PANK1: variants seen among roughly 807,000 people sequenced by gnomAD.
The protein encoded by PANK1 is pantothenic acid kinase 1.
Under a neutral mutation model 40.1 loss-of-function variants are expected in PANK1, and 18 were observed. The observed-to-expected ratio is 0.45, with a 90% CI of 0.31 to 0.67. The LOEUF (loss-of-function observed/expected upper bound fraction) is 0.67, where lower values mean the gene tolerates loss of function less well. Among genes scored for constraint, PANK1 ranks in the 30% least tolerant of loss-of-function variants. The pLI, the probability that PANK1 is intolerant of heterozygous loss-of-function variation, is 0.06. For synonymous variants in PANK1, 242 were observed against 237.7 expected (o/e 1.02, Z -0.17); for missense variants, 457 against 599.6 (o/e 0.76, Z 2.48).
At position 89,594,836 on chromosome 10, in the gene PANK1, G is replaced by A. The variant is rs138059304; in HGVS notation, c.900-847C>T. Among the ~76,000 whole-genome samples, 14 of 152,252 alleles carry A rather than the reference G, an allele frequency of 9.2e-5. No homozygotes were observed. The East Asian group carries it at 2.5e-3, about 27-fold the overall frequency. Reference sequence around the variant, plus strand: ...TGTATTAATATCAAAGTTACCTAATGGAAAGAAAAGCAGATTCAGAGTAAA... The same window carrying A: ...TGTATTAATATCAAAGTTACCTAATAGAAAGAAAAGCAGATTCAGAGTAAA... On this transcript the variant is annotated intron_variant, in intron 3 of 6. Coordinates refer to ENST00000307534, the MANE Select transcript of PANK1 (RefSeq NM_148977.3).
At chr10:89,622,198 T>C (rs1183279328) in intron 1 of PANK1, among the ~76,000 whole-genome samples, 1 of 152,216 alleles carries the variant, frequency 6.6e-6, no homozygotes, top group Non-Finnish European at 1.5e-5. Context: ...ATATAAAATT[T>C]AATAAAAGTG....
At chr10:89,597,675 C>G (rs946721828) in intron 3 of PANK1, among the ~76,000 whole-genome samples, 14 of 152,322 alleles carry the variant, frequency 9.2e-5, no homozygotes, top group African/African-American at 3.1e-4. Context: ...GTTAATAAAA[C>G]TAGATATCTC....
chr10:89,622,833 T>C (rs1199361768), intron 1 of PANK1, among the ~76,000 whole-genome samples: 5 of 150,540 alleles, frequency 3.3e-5, no homozygotes, highest in Non-Finnish European at 5.9e-5. Flanking sequence ...CGAGACTCCA[T>C]TCCAAAAAAA....
rs1209188436 is a variant in PANK1, at chr10:89,583,316, GT to G, written c.*1089del. Reference sequence around the variant, plus strand: ...TTTTAGAAACTGAGATTGAAGTACAGTTTTTAGTTTAAAATATTAAAAATGA... The same window carrying G: ...TTTTAGAAACTGAGATTGAAGTACAGTTTTAGTTTAAAATATTAAAAATGA... On this transcript the variant is annotated 3_prime_UTR_variant, in exon 7 of 7. Transcript: ENST00000307534. The G allele has an allele frequency of 1.3e-5, 2 of 152,102 alleles. No homozygotes were observed. Among genetic ancestry groups the G allele is most frequent in the East Asian group, 1.9e-4 (1 of 5,208 alleles). 9.4% of individuals were successfully genotyped at this position (152,102 alleles called of 1,614,324 possible). A position where few individuals can be genotyped will look rare whatever the true frequency, so the allele number is the denominator to read the frequency against.
chr10:89,593,739 A>C (rs1367527099), intron 4 of PANK1, 74 bp downstream of exon 4: 1 of 1,146,540 alleles, frequency 8.7e-7, no homozygotes, highest in Non-Finnish European at 1.3e-6. Flanking sequence ...ATTTTAAAAC[A>C]ACTTAGTGAA....
intron 1 of PANK1, among the ~76,000 whole-genome samples, chr10:89,635,291 G>A (rs750184680): frequency 8.5e-5 from 13 of 152,134 alleles, no homozygotes; most frequent in Non-Finnish European, 1.5e-4. Context: ...CAATTCTAGA[G>A]GCTAGTAAGG....
At chr10:89,642,515 C>A (rs908403079) in intron 1 of PANK1, among the ~76,000 whole-genome samples, 2 of 152,204 alleles carry the variant, frequency 1.3e-5, no homozygotes, top group Non-Finnish European at 2.9e-5. Context: ...TTGCAAAAAT[C>A]GTTCCTGTAA....
At position 89,645,203 on chromosome 10, in the gene PANK1, GC is replaced by G; in HGVS notation, c.-313del. On this transcript the variant is annotated 5_prime_UTR_variant, in exon 1 of 7. Coordinates refer to ENST00000307534, the MANE Select transcript of PANK1 (RefSeq NM_148977.3). ...CCGCCCGCCTTCCCCTGATCCCCAGGCCGCGCGACTTCAAACGCGGCTTCCT... is the reference window on the plus strand; with the variant it reads ...CCGCCCGCCTTCCCCTGATCCCCAGGCGCGCGACTTCAAACGCGGCTTCCT... 6.3e-7 allele frequency: 1 copy of G among 1,596,580 alleles called. No individual in the cohort carries two copies. Among genetic ancestry groups the G allele is most frequent in the Non-Finnish European group, 8.5e-7 (1 of 1,172,742 alleles).
At chr10:89,589,807 C>T (rs1298763315) in intron 5 of PANK1, among the ~76,000 whole-genome samples, 1 of 149,136 alleles carries the variant, frequency 6.7e-6, no homozygotes, top group East Asian at 1.9e-4. Context: ...ATCACCCAAA[C>T]TAAGAGGTAG....
intron 1 of PANK1, among the ~76,000 whole-genome samples, chr10:89,616,252 T>A (rs1456876795): frequency 6.6e-6 from 1 of 152,202 alleles, no homozygotes; most frequent in African/African-American, 2.4e-5. Context: ...TGGCTGTACA[T>A]CCATCTTTGA....
Position 89,584,352 on chromosome 10 carries a change from G to A in PANK1, c.*54C>T. On this transcript the variant is annotated 3_prime_UTR_variant, in exon 7 of 7. Transcript: ENST00000307534. ...AAAGCGACTTTCACCTTCTCCAGCA[G>A]CAATTTTTTAGTTCTCTGTCCTTTT... 1 of 1,184,252 alleles carries A rather than the reference G, an allele frequency of 8.4e-7. No individual in the cohort carries two copies. The highest frequency in any genetic ancestry group is 1.3e-6 in the Non-Finnish European group (1 of 790,800). 73.4% of individuals were successfully genotyped at this position (1,184,252 alleles called of 1,614,324 possible).
chr10:89,608,749 T>C (rs555086578), intron 2 of PANK1, among the ~76,000 whole-genome samples: 14 of 152,212 alleles, frequency 9.2e-5, no homozygotes, highest in Non-Finnish European at 2.1e-4. Flanking sequence ...TTTATAGGTA[T>C]GTAGATGTAC....
At chr10:89,618,695 G>A (rs1045871070) in intron 1 of PANK1, among the ~76,000 whole-genome samples, 1 of 152,226 alleles carries the variant, frequency 6.6e-6, no homozygotes, top group African/African-American at 2.4e-5. Flanking sequence ...CTGGTAAGTT[G>A]TGAATGGAAA....
At chr10:89,623,113 C>T (rs1845548249) in intron 1 of PANK1, among the ~76,000 whole-genome samples, 1 of 152,214 alleles carries the variant, frequency 6.6e-6, no homozygotes, top group South Asian at 2.1e-4. Context: ...TGGACACACA[C>T]ACACAAAACT....
At chr10:89,630,678 G>A (rs1370810451) in intron 1 of PANK1, among the ~76,000 whole-genome samples, 1 of 151,994 alleles carries the variant, frequency 6.6e-6, no homozygotes, top group South Asian at 2.1e-4. Context: ...ATTTTTAGTA[G>A]AGACTGAGTT....
intron 1 of PANK1, chr10:89,643,813 A>C: frequency 1.9e-6 from 3 of 1,603,410 alleles, no homozygotes; most frequent in Non-Finnish European, 2.6e-6. Context: ...TACATCCCAC[A>C]GCGTCCTGTG....
intron 1 of PANK1, among the ~76,000 whole-genome samples, chr10:89,620,829 A>G (rs758657708): frequency 1.3e-5 from 2 of 152,152 alleles, no homozygotes; most frequent in Non-Finnish European, 2.9e-5. Flanking sequence ...CAGCTGTAAA[A>G]TTTGTCTCTT....
At chr10:89,588,170 T>C (rs1018716694) in intron 6 of PANK1, among the ~76,000 whole-genome samples, 2 of 152,152 alleles carry the variant, frequency 1.3e-5, no homozygotes, top group African/African-American at 2.4e-5. Context: ...CTGAATAGTA[T>C]TCCATTGTGT....
chr10:89,644,525 C>T (rs776121145), intron 1 of PANK1, 75 bp downstream of exon 1: 402 of 1,375,688 alleles, frequency 2.9e-4, no homozygotes, highest in Admixed American at 4.1e-4. Flanking sequence ...CGGCGCCTGC[C>T]TCAGCCGCTC....
Sources: gnomAD v4.1 joint callset for allele counts (sites outside exome capture counted in the v4.1 genomes callset) on GRCh38, gnomAD v4.1.1 for gene constraint, MANE v1.5 for transcripts, NCBI Gene and HGNC (gene_info 2026-07-23, HGNC 2026-07-21) for gene names.